TTN: variants seen among roughly 807,000 people sequenced by gnomAD.
The protein encoded by TTN is connectin.
A neutral mutation model predicts 3,223.0 loss-of-function variants in TTN; 1,525 were observed. The ratio of observed to expected loss-of-function variants is 0.47; its 90% CI spans 0.45 to 0.49. TTN has a LOEUF of 0.49. Ranked by LOEUF, TTN falls within the 20% of genes least tolerant of loss-of-function variation. TTN has a pLI of 0.00. For missense variants in TTN, 40,786 were observed against 43,424.0 expected, an observed-to-expected ratio of 0.94 and a Z score of 5.40; for synonymous variants, 14,094 against 15,161.0, an observed-to-expected ratio of 0.93 and a Z score of 5.17.
chr2:178,545,607 C>G lies in TTN; in HGVS notation c.95503G>C (p.Gly31835Arg). The change falls in exon 344 of 363, where the codon GGT becomes CGT. Residue 31835 changes from glycine (G) to arginine (R), a missense_variant. Transcript: ENST00000589042. ...AGGTAGTTGCTGATTTCATTGCCAC[C>G]ATCAGATTCAGGTTTTGTCCACTGA... is the stretch of plus-strand genomic sequence containing the variant. Reference protein sequence around the residue: ...IIQWTKPESDGGNEISNYLVD... With the variant: ...IIQWTKPESDRGNEISNYLVD... 6.2e-7 allele frequency: 1 copy of G among 1,613,780 alleles called. No homozygotes were observed. The highest frequency in any genetic ancestry group is 1.1e-5 in the South Asian group (1 of 91,072).
intron 47 of TTN, chr2:178,749,919 A>T (rs1384340693): frequency 1.4e-5 from 23 of 1,613,192 alleles, no homozygotes; most frequent in Non-Finnish European, 1.9e-5. Context: ...ATTTCTTGTA[A>T]CATTTTTGGT....
At chr2:178,582,836 A>G in intron 313 of TTN, 104 bp downstream of exon 313, 1 of 1,060,906 alleles carries the variant, frequency 9.4e-7, no homozygotes, top group Non-Finnish European at 1.3e-6. Flanking sequence ...CATAGGAAAT[A>G]CACATTAGAA....
intron 1 of TTN, among the ~76,000 whole-genome samples, chr2:178,805,717 G>C (rs1330144134): frequency 6.6e-6 from 1 of 152,172 alleles, no homozygotes; most frequent in African/African-American, 2.4e-5. Context: ...GTTTATTATA[G>C]TTCTGAAAGA....
rs554140295 is a variant in TTN at position 178,546,872 on chromosome 2, G to T, written c.94556C>A (p.Thr31519Lys). The T allele has an allele frequency of 1.9e-6, 3 of 1,595,724 alleles. No homozygotes were observed. The highest frequency in any genetic ancestry group is 2.7e-5 in the African/African-American group (2 of 74,586). ...APGRPEVTDV[T>K]RSTVSLIWSA... Reference sequence around the variant, plus strand: ...CCAAATCAGTGATACTGTTGATCTTGTGACATCTGTCACCTCTGGTCTGCC... The same window carrying T: ...CCAAATCAGTGATACTGTTGATCTTTTGACATCTGTCACCTCTGGTCTGCC... Residue 31519 changes from threonine (T) to lysine (K), a missense_variant, in exon 341 of 363, where the codon ACA (threonine) becomes AAA (lysine). Thr to Lys is a moderately conservative substitution (Grantham distance 78). Coordinates refer to ENST00000589042, the MANE Select transcript of TTN (RefSeq NM_001267550.2).
At position 178,717,369 on chromosome 2, in the gene TTN, A is replaced by T; in HGVS notation, c.25365T>A (p.Pro8455=). 6.2e-7 allele frequency: 1 copy of T among 1,608,010 alleles called. No individual in the cohort carries two copies. Among genetic ancestry groups the T allele is most frequent in the South Asian group, 1.1e-5 (1 of 90,760 alleles). The part of the protein sequence containing the change: ...AKLILSEHEV[P]PFFDLKPVSV... Reference sequence around the variant, plus strand: ...ATACAGGCTTTAGATCAAAGAAAGGAGGCACTTCATGCTCTGAAAAGAATG... The same window carrying T: ...ATACAGGCTTTAGATCAAAGAAAGGTGGCACTTCATGCTCTGAAAAGAATG... The change falls in exon 88 of 363, where the codon CCT becomes CCA. Residue 8455 remains proline (P), a synonymous_variant. Coordinates refer to ENST00000589042, the MANE Select transcript of TTN (RefSeq NM_001267550.2).
In TTN at chr2:178,582,087, CT is replaced by C; in HGVS notation, c.66281del (p.Lys22094SerfsTer18). The C allele has an allele frequency of 6.2e-7, 1 of 1,613,186 alleles. No homozygotes were observed. The highest frequency in any genetic ancestry group is 8.5e-7 in the Non-Finnish European group (1 of 1,179,500). On this transcript the variant is annotated frameshift_variant, in exon 315 of 363. Transcript: ENST00000589042. LOFTEE classifies it high-confidence loss of function. Reference protein sequence around the residue: ...GSPITGYLLEKRETQAVNWTK... With the variant: ...GSPITGYLLEXRETQAVNWTK... ...TCCAGTTAACAGCCTGGGTTTCCCG[CT>C]TTTCAAGCAAATAGCCAGTGATGGG... is the stretch of plus-strand genomic sequence containing the variant.
In TTN at chr2:178,556,873, C is replaced by T. The variant is rs775458117; in HGVS notation, c.88281G>A (p.Gly29427=). The T allele has an allele frequency of 2.1e-5, 34 of 1,613,618 alleles. No homozygotes were observed. In the East Asian group the frequency reaches 5.6e-4, roughly 26 times the overall value. The change falls in exon 330 of 363, where the codon GGG becomes GGA. Residue 29427 remains glycine (G), a synonymous_variant. Coordinates refer to ENST00000589042, the MANE Select transcript of TTN (RefSeq NM_001267550.2). The stretch of plus-strand genomic sequence containing the variant: ...CATAAGAATCGATGCAAGTAATGGG[C>T]CCTACAACCTCAGATGGATTGCTAA... The part of the protein sequence containing the change: ...GSISNPSEVV[G]PITCIDSYGG...
intron 207 of TTN, 28 bp from the exon 208 acceptor site, chr2:178,651,348 A>G (rs2062914002): frequency 6.2e-7 from 1 of 1,609,080 alleles, no homozygotes; most frequent in African/African-American, 1.3e-5. Context: ...TTTTAACATT[A>G]GAAACAATCA....
chr2:178,594,593 C>T lies in TTN; in HGVS notation c.57901G>A (p.Val19301Ile), dbSNP rs1210344440. 2 of 1,612,662 alleles carry T rather than the reference C, an allele frequency of 1.2e-6. No individual in the cohort carries two copies. The highest frequency in any genetic ancestry group is 1.7e-6 in the Non-Finnish European group (2 of 1,179,246). ...LEVKEVTKNT[V>I]TLTWNPPKYD... ...TTAGGAGGATTCCAAGTCAAAGTTA[C>T]AGTATTTTTAGTAACTTCTTTGACT... Residue 19301 changes from valine to isoleucine, a missense_variant, in exon 296 of 363, where the codon GTA becomes ATA. Physicochemically the swap from Val to Ile is conservative, Grantham distance 29. Coordinates refer to ENST00000589042, the MANE Select transcript of TTN (RefSeq NM_001267550.2).
intron 330 of TTN, chr2:178,555,760 G>A (rs1024033185): frequency 6.6e-6 from 1 of 152,350 alleles, no homozygotes; most frequent in Non-Finnish European, 1.5e-5. Flanking sequence ...TCAGCATGAA[G>A]ATGGAAGTGG....
Position 178,533,138 on chromosome 2 carries a change from C to G in TTN, c.103477G>C (p.Val34493Leu). The G allele has an allele frequency of 1.2e-6, 2 of 1,614,000 alleles. No homozygotes were observed. The highest frequency in any genetic ancestry group is 1.6e-4 in the Middle Eastern group (1 of 6,062). ...TCTTTAGCTACCTGTGTCAGTGGTACACTTTCAGTTCCAGAAAGAATTTCA... is the reference window on the plus strand; with the variant it reads ...TCTTTAGCTACCTGTGTCAGTGGTAGACTTTCAGTTCCAGAAAGAATTTCA... Reference protein sequence around the residue: ...MAEILSGTESVPLTQVAKEAL... With the variant: ...MAEILSGTESLPLTQVAKEAL... The change falls in exon 358 of 363, where the codon GTA (valine) becomes CTA (leucine). Residue 34493 changes from valine (V) to leucine (L), a missense_variant. Val to Leu is a conservative substitution (Grantham distance 32, BLOSUM62 1). Coordinates refer to ENST00000589042, the MANE Select transcript of TTN (RefSeq NM_001267550.2).
At position 178,550,110 on chromosome 2, in the gene TTN, G is replaced by A. The variant is rs748596900; in HGVS notation, c.91728C>T (p.Thr30576=). The change falls in exon 337 of 363, where the codon ACC becomes ACT. Residue 30576 remains threonine, a synonymous_variant. Coordinates refer to ENST00000589042, the MANE Select transcript of TTN (RefSeq NM_001267550.2). ...EIEKRMNMEI[T]DVLGSTSLFV... ...ATAGGCTGGTGGATCCAAGTACGTC[G>A]GTTATTTCCATATTCATCCTCTTTT... 5 of 1,613,682 alleles carry A rather than the reference G, an allele frequency of 3.1e-6. No homozygotes were observed. The highest frequency in any genetic ancestry group is 2.7e-5 in the African/African-American group (2 of 74,962).
At chr2:178,774,818 A>C in intron 29 of TTN, 103 bp downstream of exon 29, 1 of 1,355,094 alleles carries the variant, frequency 7.4e-7, no homozygotes, top group Non-Finnish European at 1.0e-6. Context: ...GTCAATTTCC[A>C]AATAATTGTT....
chr2:178,609,062 T>A, intron 273 of TTN, 146 bp downstream of exon 273: 1 of 1,287,162 alleles, frequency 7.8e-7, no homozygotes, highest in African/African-American at 1.5e-5. Flanking sequence ...ATCAGGTGAT[T>A]TCTTTTACAT....
At chr2:178,683,107 T>C in intron 134 of TTN, 104 bp downstream of exon 134, 1 of 972,510 alleles carries the variant, frequency 1.0e-6, no homozygotes, top group Non-Finnish European at 1.6e-6. Flanking sequence ...ACCCTGCCCT[T>C]AATCAACAAT....
At position 178,586,740 on chromosome 2, in the gene TTN, C is replaced by G; in HGVS notation, c.64161G>C (p.Trp21387Cys). 1 of 1,613,050 alleles carries G rather than the reference C, an allele frequency of 6.2e-7. No individual in the cohort carries two copies. Among genetic ancestry groups the G allele is most frequent in the South Asian group, 1.1e-5 (1 of 91,048 alleles). Residue 21387 changes from tryptophan to cysteine, a missense_variant, in exon 308 of 363, where the codon TGG becomes TGC. Coordinates refer to ENST00000589042, the MANE Select transcript of TTN (RefSeq NM_001267550.2). ...EMTKNSATLA[W>C]LPPLRDGGAK... ...CACCTCCATCACGTAGGGGAGGTAA[C>G]CAGGCTAAGGTGGCACTGTTCTTGG...
rs201213901 is a variant in TTN at position 178,607,935 on chromosome 2, G to T, written c.52852C>A (p.Arg17618Ser). ...ACCTTGATCATCTTCTCTGTGCAGC[G>T]TGACCATTCATTTGTGCCAACCAAC... ...KQLVGTNEWS[R>S]CTEKMIKVRQ... The change falls in exon 276 of 363, where the codon CGC becomes AGC. Residue 17618 changes from arginine to serine, a missense_variant. Transcript: ENST00000589042. 1.1e-5 allele frequency: 17 copies of T among 1,612,786 alleles called. No individual in the cohort carries two copies. Among genetic ancestry groups the T allele is most frequent in the Non-Finnish European group, 1.2e-5 (14 of 1,179,276 alleles).
Position 178,724,296 on chromosome 2 carries a change from C to T in TTN, c.21079G>A (p.Gly7027Arg), listed in dbSNP as rs1237624593. ...TYTFQVQNNV[G>R]KSSCTAVVDV... ...ACCACAGCTGTGCAGCTGCTTTTCC[C>T]AACATTATTTTGAACCTGGAAAGTG... is the stretch of plus-strand genomic sequence containing the variant. The change falls in exon 72 of 363, where the codon GGG (glycine) becomes AGG (arginine). Residue 7027 changes from glycine (G) to arginine (R), a missense_variant. Gly to Arg is a moderately radical substitution (Grantham distance 125). Coordinates refer to ENST00000589042, the MANE Select transcript of TTN (RefSeq NM_001267550.2). The T allele has an allele frequency of 6.2e-7, 1 of 1,613,316 alleles. No homozygotes were observed. The highest frequency in any genetic ancestry group is 1.3e-5 in the African/African-American group (1 of 74,886).
chr2:178,734,941 G>A lies in TTN; in HGVS notation c.14983C>T (p.Pro4995Ser), dbSNP rs776578141. 36 of 1,607,938 alleles carry A rather than the reference G, an allele frequency of 2.2e-5. No homozygotes were observed. The highest frequency in any genetic ancestry group is 2.9e-5 in the Non-Finnish European group (34 of 1,176,714). ...CAATGGAGGCGTGCTGATTCACCTG[G>A]GAGCATTAAATAAGAGGGATCCACC... The part of the protein sequence containing the change: ...KKVDPSYLML[P>S]GESARLHCKL... The change falls in exon 51 of 363, where the codon CCA becomes TCA. Residue 4995 changes from proline to serine, a missense_variant. Coordinates refer to ENST00000589042, the MANE Select transcript of TTN (RefSeq NM_001267550.2).
Sources: allele counts gnomAD v4.1 joint callset (sites outside exome capture counted in the v4.1 genomes callset), GRCh38; gene constraint gnomAD v4.1.1; transcripts MANE v1.5; gene names NCBI Gene and HGNC (gene_info 2026-07-23, HGNC 2026-07-21).